The following CTNNBL1 variants were observed in gnomAD, a reference collection of about 807,000 sequenced individuals.
The protein encoded by CTNNBL1 is beta-catenin-like protein 1.
In CTNNBL1, 31 loss-of-function variants were observed where a neutral mutation model predicts 72.7. The observed-to-expected ratio is 0.43, with a 90% CI of 0.32 to 0.58. The LOEUF (loss-of-function observed/expected upper bound fraction) is 0.58. Ranked by LOEUF, CTNNBL1 falls within the 20% of genes least tolerant of loss-of-function variation. The probability of loss-of-function intolerance (pLI) is 0.08; values close to 1 mark genes in which losing one functional copy is unlikely to be tolerated. For missense variants in CTNNBL1, 534 were observed against 725.1 expected (o/e 0.74, Z 3.03); for synonymous variants, 240 against 267.3 (o/e 0.90, Z 1.00).
intron 13 of CTNNBL1, among the ~76,000 whole-genome samples, chr20:37,853,896 A>G (rs764249452): frequency 1.1e-4 from 17 of 152,238 alleles, no homozygotes; most frequent in Non-Finnish European, 1.9e-4. Flanking sequence ...TATTCTGACA[A>G]CAGTCAACTT....
intron 13 of CTNNBL1, among the ~76,000 whole-genome samples, chr20:37,850,575 C>G (rs2072387722): frequency 1.6e-4 from 1 of 6,252 alleles, no homozygotes; most frequent in African/African-American, 6.5e-4. Flanking sequence ...TCAGTTTCTT[C>G]AGCCTCAGTT....
intron 3 of CTNNBL1, among the ~76,000 whole-genome samples, chr20:37,745,075 T>C (rs6020623): frequency 0.49 from 74,072 of 152,046 alleles, 20,268 homozygotes; most frequent in African/African-American, 0.75. Context: ...CTTTTCTTTC[T>C]CCGGTTTTCT....
chr20:37,801,129 C>T (rs2073820363), intron 10 of CTNNBL1, among the ~76,000 whole-genome samples: 2 of 152,192 alleles, frequency 1.3e-5, no homozygotes, highest in Admixed American at 6.5e-5. Flanking sequence ...AACTGGGACG[C>T]AATCTTTCCC....
intron 1 of CTNNBL1, among the ~76,000 whole-genome samples, chr20:37,708,143 CA>C (rs994053278): frequency 5.3e-5 from 8 of 151,262 alleles, no homozygotes; most frequent in Admixed American, 5.3e-4. Flanking sequence ...GTGACACAGA[CA>C]TGAAGTGAAC....
chr20:37,813,221 A>G (rs1291292268), intron 11 of CTNNBL1, among the ~76,000 whole-genome samples: 1 of 152,140 alleles, frequency 6.6e-6, no homozygotes, highest in Non-Finnish European at 1.5e-5. Context: ...GTCCTTGCTG[A>G]GGAGAGTATG....
At chr20:37,755,453 A>T (rs2073355747) in intron 4 of CTNNBL1, among the ~76,000 whole-genome samples, 1 of 152,226 alleles carries the variant, frequency 6.6e-6, no homozygotes, top group Admixed American at 6.5e-5. Context: ...TTAGATGAAG[A>T]TGCTAAGCAT....
At chr20:37,798,830 G>A (rs1039792837) in intron 10 of CTNNBL1, among the ~76,000 whole-genome samples, 11 of 152,104 alleles carry the variant, frequency 7.2e-5, no homozygotes, top group South Asian at 2.1e-4. Context: ...TTTTATGACC[G>A]CCATTCATTT....
At chr20:37,763,206 T>C (rs1209177998) in intron 5 of CTNNBL1, among the ~76,000 whole-genome samples, 2 of 152,184 alleles carry the variant, frequency 1.3e-5, no homozygotes, top group African/African-American at 4.8e-5. Context: ...ATGGTTCATA[T>C]TTTCCCCCCA....
rs923243106 is a variant in CTNNBL1, at chr20:37,731,458, C to T, written c.31-1421C>T. On this transcript the variant is annotated intron_variant, in intron 1 of 15. Coordinates refer to ENST00000361383, the MANE Select transcript of CTNNBL1 (RefSeq NM_030877.5). Reference sequence around the variant, plus strand: ...CCATGTTGATCAGGCTGGTCTTGAACTCCTGACCTCAGGTGATCTGCCCGC... The same window carrying T: ...CCATGTTGATCAGGCTGGTCTTGAATTCCTGACCTCAGGTGATCTGCCCGC... Among the ~76,000 whole-genome samples the T allele has an allele frequency of 5.3e-5, 8 of 152,284 alleles. No homozygotes were observed. In the South Asian group the frequency reaches 8.3e-4, roughly 16 times the overall value.
At chr20:37,842,690 C>T (rs1600523021) in intron 13 of CTNNBL1, among the ~76,000 whole-genome samples, 1 of 152,144 alleles carries the variant, frequency 6.6e-6, no homozygotes, top group Non-Finnish European at 1.5e-5. Flanking sequence ...AGCTTCTCTT[C>T]GAAAATCTGG....
At chr20:37,817,066 C>T (rs1302261210) in intron 11 of CTNNBL1, among the ~76,000 whole-genome samples, 2 of 152,130 alleles carry the variant, frequency 1.3e-5, no homozygotes. Context: ...TGTGGGTTAT[C>T]GTTAGCCTGC....
At chr20:37,747,058 G>A (rs554312542) in intron 4 of CTNNBL1, among the ~76,000 whole-genome samples, 1 of 152,294 alleles carries the variant, frequency 6.6e-6, no homozygotes, top group South Asian at 2.1e-4. Context: ...GGACAGGGAA[G>A]CTGTTCTGTT....
At chr20:37,856,782 A>C (rs2235457) in intron 13 of CTNNBL1, among the ~76,000 whole-genome samples, 1 of 152,004 alleles carries the variant, frequency 6.6e-6, no homozygotes, top group Non-Finnish European at 1.5e-5. Flanking sequence ...ATGTGGGCAC[A>C]CTATACTTAC....
intron 1 of CTNNBL1, among the ~76,000 whole-genome samples, chr20:37,716,440 C>T (rs1195565791): frequency 6.6e-6 from 1 of 151,792 alleles, no homozygotes; most frequent in Non-Finnish European, 1.5e-5. Flanking sequence ...TGTTTTTTTT[C>T]CAGGTGGGGA....
chr20:37,837,807 AC>A (rs781431264), intron 11 of CTNNBL1, among the ~76,000 whole-genome samples: 12 of 152,208 alleles, frequency 7.9e-5, no homozygotes, highest in Non-Finnish European at 1.6e-4. Flanking sequence ...CAAAACACCT[AC>A]CATGTGCCAG....
intron 10 of CTNNBL1, among the ~76,000 whole-genome samples, chr20:37,793,894 C>T (rs1485841742): frequency 1.3e-5 from 2 of 152,236 alleles, no homozygotes; most frequent in East Asian, 3.9e-4. Flanking sequence ...AATTCTCCTG[C>T]CTCAGCCTCC....
chr20:37,759,761 A>G (rs2073398459), intron 5 of CTNNBL1, among the ~76,000 whole-genome samples: 1 of 152,220 alleles, frequency 6.6e-6, no homozygotes, highest in Non-Finnish European at 1.5e-5. Context: ...GTCGGAAGTC[A>G]TCAGTAAATA....
chr20:37,818,858 G>A (rs1025978586), intron 11 of CTNNBL1, among the ~76,000 whole-genome samples: 6 of 152,112 alleles, frequency 3.9e-5, no homozygotes, highest in African/African-American at 1.2e-4. Flanking sequence ...TGTGAAAGTC[G>A]ACCACCTCTT....
At chr20:37,731,041 G>A (rs1233787222) in intron 1 of CTNNBL1, among the ~76,000 whole-genome samples, 3 of 152,062 alleles carry the variant, frequency 2.0e-5, no homozygotes, top group Admixed American at 2.0e-4. Context: ...GGTACAAGGT[G>A]ATATTTTGAT....
Sources: gnomAD v4.1 joint callset for allele counts (sites outside exome capture counted in the v4.1 genomes callset) on GRCh38, gnomAD v4.1.1 for gene constraint, MANE v1.5 for transcripts, NCBI Gene and HGNC (gene_info 2026-07-23, HGNC 2026-07-21) for gene names.